The following XRCC3 variants were observed in gnomAD, a reference collection of about 807,000 sequenced individuals.
XRCC3 encodes X-ray repair cross complementing 3, also known as DNA repair protein XRCC3.
Under a neutral mutation model 29.2 loss-of-function variants are expected in XRCC3, and 34 were observed. The observed-to-expected ratio is 1.16, with a 90% confidence interval of 0.88 to 1.55. The LOEUF (loss-of-function observed/expected upper bound fraction) is 1.55. XRCC3 is among the 40% of genes most tolerant of loss of function. The pLI is 0.00. For missense variants in XRCC3, 463 were observed against 467.6 expected (o/e 0.99, Z 0.09); for synonymous variants, 223 against 211.3 (o/e 1.06, Z -0.48).
At chr14:103,700,396 C>T (rs861538) in intron 7 of XRCC3, 132,808 of 420,470 alleles carry the variant, frequency 0.32, 23,190 homozygotes, top group Middle Eastern at 0.39. Context: ...GCATGGCTGG[C>T]CTGGCCTCTG....
At chr14:103,706,904 C>T (rs1004534480) in intron 6 of XRCC3, 99 bp downstream of exon 6, 37 of 1,310,454 alleles carry the variant, frequency 2.8e-5, no homozygotes, top group African/African-American at 2.5e-4. Context: ...GTAGGAACAG[C>T]GCAAGAGGCG....
chr14:103,700,697 C>T lies in XRCC3; in HGVS notation c.562-1121G>A, dbSNP rs780370537. On this transcript the variant is annotated intron_variant, in intron 7 of 9. Coordinates refer to ENST00000555055, the MANE Select transcript of XRCC3 (RefSeq NM_005432.4). ...CTCTTTTTGTGGAAAACGACAGCAG[C>T]AGCAGTGGCCTGGAAGACGCCACCG... 88 of 1,605,350 alleles carry T rather than the reference C, an allele frequency of 5.5e-5. 1 individual carries two copies. The highest frequency in any genetic ancestry group is 6.6e-5 in the Non-Finnish European group (78 of 1,176,682).
chr14:103,699,601 A>G (rs780140250), intron 7 of XRCC3, 25 bp from the exon 8 acceptor site: 17 of 1,612,032 alleles, frequency 1.1e-5, no homozygotes, highest in African/African-American at 1.3e-5. Flanking sequence ...GTCATTGTCT[A>G]TGCTGGTCAG....
At chr14:103,707,442 A>G (rs2083474504) in intron 5 of XRCC3, 1 of 612,652 alleles carries the variant, frequency 1.6e-6, no homozygotes, top group South Asian at 1.9e-5. Context: ...GGCCACCATC[A>G]CATGCCCGCA....
chr14:103,700,671 CCT>C (rs2083107882), intron 7 of XRCC3: 2 of 1,607,524 alleles, frequency 1.2e-6, no homozygotes, highest in South Asian at 2.2e-5. Flanking sequence ...TCTGGCCGAG[CCT>C]CTTTTTGTGG....
intron 8 of XRCC3, 74 bp downstream of exon 8, chr14:103,699,290 C>T (rs2082890646): frequency 1.3e-6 from 2 of 1,544,710 alleles, no homozygotes; most frequent in Admixed American, 2.0e-5. Context: ...CCCGCCCCAC[C>T]TCCAGACCGG....
At chr14:103,699,743 T>TC (rs1045403517) in intron 7 of XRCC3, among the ~76,000 whole-genome samples, 167 bp from the exon 8 acceptor site, 2 of 152,186 alleles carry the variant, frequency 1.3e-5, no homozygotes, top group South Asian at 4.1e-4. Flanking sequence ...TCTGTATTTT[T>TC]CTCAAAGAGG....
rs34975865 is a variant in XRCC3 at position 103,697,737 on chromosome 14, T to TG, written c.*1060dup. 1.3e-5 allele frequency: 2 copies of TG among 152,152 alleles called. No individual in the cohort carries two copies. The highest frequency in any genetic ancestry group is 4.8e-5 in the African/African-American group (2 of 41,392). 9.4% of individuals were successfully genotyped at this position (152,152 alleles called of 1,614,324 possible). ...ATCAAGGGGGTCACCACTGTGCCCATGGGGAGGCCACGCCACTCTGCCTGC... is the reference window on the plus strand; with the variant it reads ...ATCAAGGGGGTCACCACTGTGCCCATGGGGGAGGCCACGCCACTCTGCCTGC... On this transcript the variant is annotated 3_prime_UTR_variant, in exon 10 of 10. Transcript: ENST00000555055.
intron 6 of XRCC3, 141 bp from the exon 7 acceptor site, chr14:103,703,468 A>C: frequency 9.6e-7 from 1 of 1,042,968 alleles, no homozygotes; most frequent in Non-Finnish European, 1.4e-6. Context: ...GGGAGGGAGG[A>C]GGCTGGTGCT....
intron 1 of XRCC3, among the ~76,000 whole-genome samples, chr14:103,714,405 GTCGCC>G (rs1482021318): frequency 1.3e-5 from 2 of 151,156 alleles, no homozygotes; most frequent in African/African-American, 4.9e-5. Flanking sequence ...GGCGGCCAAG[GTCGCC>G]TGAGCCCAGG....
chr14:103,706,115 C>T (rs2083426535), intron 6 of XRCC3: 3 of 350,174 alleles, frequency 8.6e-6, no homozygotes, highest in African/African-American at 2.1e-5. Context: ...ACCCTCCACC[C>T]GACACGGAGG....
At chr14:103,699,264 GGCCACCTCACT>G (rs1567048363) in intron 8 of XRCC3, 85 bp from the exon 9 acceptor site, 2 of 1,539,946 alleles carry the variant, frequency 1.3e-6, no homozygotes, top group East Asian at 2.4e-5. Flanking sequence ...AGGAGCCGGA[GGCCACCTCACT>G]GCCACCCGCC....
intron 1 of XRCC3, among the ~76,000 whole-genome samples, chr14:103,714,665 C>G (rs535296117): frequency 6.6e-6 from 1 of 152,204 alleles, no homozygotes; most frequent in South Asian, 2.1e-4. Flanking sequence ...GCAGGATGAA[C>G]AAACATTTTC....
intron 5 of XRCC3, chr14:103,707,786 T>C (rs861530): frequency 0.64 from 123,097 of 192,216 alleles, 40,241 homozygotes; most frequent in Non-Finnish European, 0.71. Context: ...AGGTGGGACA[T>C]GCGGTGCAGG....
chr14:103,703,169 TCAC>T lies in XRCC3; in HGVS notation c.561+1_561+3del, dbSNP rs771336506. 19 of 1,566,672 alleles carry T rather than the reference TCAC, an allele frequency of 1.2e-5. No individual in the cohort carries two copies. The highest frequency in any genetic ancestry group is 1.5e-5 in the Non-Finnish European group (17 of 1,155,964). On this transcript the variant is annotated splice_donor_variant and splice_donor_region_variant and intron_variant, in intron 7 of 9. Transcript: ENST00000555055. LOFTEE classifies it high-confidence loss of function. ...GGGTGTCATGGGGCTTCTCCCACAC[TCAC>T]CACATCGGCCACGTGCTCGATGAAG...
At chr14:103,700,582 C>T (rs765919071) in intron 7 of XRCC3, 10 of 1,241,276 alleles carry the variant, frequency 8.1e-6, no homozygotes, top group South Asian at 3.7e-5. Flanking sequence ...GCTGGTGTCA[C>T]GCCCGGAGCT....
chr14:103,712,239 C>T (rs1453282475), intron 2 of XRCC3: 2 of 169,108 alleles, frequency 1.2e-5, no homozygotes, highest in African/African-American at 4.8e-5. Context: ...GCCCCCACAG[C>T]CTGTGGGTTT....
At chr14:103,714,466 GA>G (rs551539800) in intron 1 of XRCC3, among the ~76,000 whole-genome samples, 351 of 97,842 alleles carry the variant, frequency 3.6e-3, no homozygotes, top group East Asian at 4.1e-3. Flanking sequence ...ACTCTCTACC[GA>G]AAAAAAAAAA....
chr14:103,710,847 G>T, intron 4 of XRCC3, 186 bp downstream of exon 4: 1 of 515,320 alleles, frequency 1.9e-6, no homozygotes. Flanking sequence ...AATCCATGTA[G>T]TTAAGAACAC....
Sources: allele counts gnomAD v4.1 joint callset (sites outside exome capture counted in the v4.1 genomes callset), GRCh38; gene constraint gnomAD v4.1.1; transcripts MANE v1.5; gene names NCBI Gene and HGNC (gene_info 2026-07-23, HGNC 2026-07-21).